Variants in FGFR3 observed in about 807,000 individuals in gnomAD.
FGFR3 encodes FGFR-3.
Under a neutral mutation model 82.9 loss-of-function variants are expected in FGFR3, and 25 were observed. That is an observed-to-expected ratio of 0.30 (90% CI 0.22 to 0.42). The LOEUF is 0.42. Ranked by LOEUF, FGFR3 falls within the 10% of genes least tolerant of loss-of-function variation. The pLI is 1.00. For synonymous variants in FGFR3, 620 were observed against 516.0 expected, an observed-to-expected ratio of 1.20 and a Z score of -2.73; for missense variants, 1,026 against 1,161.0, an observed-to-expected ratio of 0.88 and a Z score of 1.69.
chr4:1,795,567 G>A (rs374652114), intron 2 of FGFR3, among the ~76,000 whole-genome samples: 1 of 152,354 alleles, frequency 6.6e-6, no homozygotes, highest in South Asian at 2.1e-4. Context: ...ATGGACTGAG[G>A]TCTAGGCTGG....
rs1577290558 is a variant in FGFR3 at position 1,805,850 on chromosome 4, C to T, written c.1746C>T (p.Cys582=). Residue 582 remains cysteine (C), a synonymous_variant, in exon 13 of 18, where the codon TGC becomes TGT. Coordinates refer to ENST00000440486, the MANE Select transcript of FGFR3 (RefSeq NM_000142.5). ...GCCTGGACTACTCCTTCGACACCTGCAAGCCGCCCGAGGAGCAGCTCACCT... is the reference window on the plus strand; with the variant it reads ...GCCTGGACTACTCCTTCGACACCTGTAAGCCGCCCGAGGAGCAGCTCACCT... ...PPGLDYSFDT[C]KPPEEQLTFK... is the part of the protein sequence containing the mutation. 14 of 1,612,644 alleles carry T rather than the reference C, an allele frequency of 8.7e-6. No individual in the cohort carries two copies. The highest frequency in any genetic ancestry group is 1.2e-5 in the Non-Finnish European group (14 of 1,179,858).
rs1010991084 is a variant in FGFR3, at chr4:1,801,506, C to G, written c.585C>G (p.Phe195Leu). The stretch of plus-strand genomic sequence containing the variant: ...CCTGGCTGAAGAACGGCAGGGAGTT[C>G]CGCGGCGAGCACCGCATTGGAGGCA... ...SISWLKNGRE[F>L]RGEHRIGGIK... The change falls in exon 5 of 18, where the codon TTC (phenylalanine) becomes TTG (leucine). Residue 195 changes from phenylalanine (F) to leucine (L), a missense_variant. By Grantham distance (22) the Phe-to-Leu change is conservative. Transcript: ENST00000440486. The G allele has an allele frequency of 5.7e-5, 89 of 1,562,034 alleles. No homozygotes were observed. Among genetic ancestry groups the G allele is most frequent in the Non-Finnish European group, 7.1e-5 (82 of 1,153,928 alleles).
At position 1,798,344 on chromosome 4, in the gene FGFR3, A is replaced by G. The variant is rs17883202; in HGVS notation, c.110-910A>G. On this transcript the variant is annotated intron_variant, in intron 2 of 17. Coordinates refer to ENST00000440486, the MANE Select transcript of FGFR3 (RefSeq NM_000142.5). ...GGGCCCCAGTCCCCCTGCAGGCAGC[A>G]GGACTCCACCCCCCGGCCCCCTTGA... Among the ~76,000 whole-genome samples, 651 of 152,014 alleles carry G rather than the reference A, an allele frequency of 4.3e-3. 6 individuals carry two copies. The highest frequency in any genetic ancestry group is 0.015 in the African/African-American group (630 of 41,466).
Position 1,802,000 on chromosome 4 carries a change from G to A in FGFR3, c.905G>A (p.Gly302Asp), listed in dbSNP as rs371176140. 5 of 1,612,342 alleles carry A rather than the reference G, an allele frequency of 3.1e-6. No homozygotes were observed. In the African/African-American group the frequency reaches 5.3e-5, roughly 17 times the overall value. Residue 302 changes from glycine (G) to aspartate (D), a missense_variant, in exon 7 of 18, where the codon GGC (glycine) becomes GAC (aspartate). Transcript: ENST00000440486. ...AATGGCAGCAAGGTGGGCCCGGACG[G>A]CACACCCTACGTTACCGTGCTCAAG... ...EVNGSKVGPDGTPYVTVLKTA... is the reference protein window; with the variant it reads ...EVNGSKVGPDDTPYVTVLKTA...
At chr4:1,806,807 C>A (rs1246364645) in intron 16 of FGFR3, 22 bp from the exon 17 acceptor site, 1 of 1,587,772 alleles carries the variant, frequency 6.3e-7, no homozygotes, top group Non-Finnish European at 8.6e-7. Context: ...GCGGGGCTCA[C>A]TCCTGAGCGC....
rs935240614 is a variant in FGFR3 at position 1,793,326 on chromosome 4, G to T, written c.-242G>T. Reference sequence around the variant, plus strand: ...GTGGCGGCGGCGTCGCGGGCAGCTGGCGCCGCGCGGTCCTGCTCTGCCGGT... The same window carrying T: ...GTGGCGGCGGCGTCGCGGGCAGCTGTCGCCGCGCGGTCCTGCTCTGCCGGT... On this transcript the variant is annotated 5_prime_UTR_variant, in exon 1 of 18. Transcript: ENST00000440486. The T allele has an allele frequency of 3.4e-5, 5 of 147,328 alleles. No homozygotes were observed. Among genetic ancestry groups the T allele is most frequent in the African/African-American group, 1.2e-4 (5 of 40,766 alleles). The allele number at this position is 147,328 out of a possible 1,614,324, so 9.1% of individuals were successfully genotyped here.
rs373391057 is a variant in FGFR3, at chr4:1,805,874, C to T, written c.1770C>T (p.Thr590=). The part of the protein sequence containing the change: ...DTCKPPEEQL[T]FKDLVSCAYQ... ...GCAAGCCGCCCGAGGAGCAGCTCAC[C>T]TTCAAGGACCTGGTGTCCTGTGCCT... is the stretch of plus-strand genomic sequence containing the variant. The change falls in exon 13 of 18, where the codon ACC becomes ACT. Residue 590 remains threonine, a synonymous_variant. Transcript: ENST00000440486. 1.9e-6 allele frequency: 3 copies of T among 1,612,840 alleles called. No homozygotes were observed. The highest frequency in any genetic ancestry group is 2.5e-6 in the Non-Finnish European group (3 of 1,179,860).
Position 1,808,284 on chromosome 4 carries a change from C to T in FGFR3, c.*1022C>T, listed in dbSNP as rs568504092. 66 of 232,754 alleles carry T rather than the reference C, an allele frequency of 2.8e-4. No homozygotes were observed. The highest frequency in any genetic ancestry group is 1.3e-3 in the African/African-American group (57 of 45,356). The allele number at this position is 232,754 out of a possible 1,614,324, so 14.4% of individuals were successfully genotyped here. A position where few individuals can be genotyped will look rare whatever the true frequency, so the allele number is the denominator to read the frequency against. On this transcript the variant is annotated 3_prime_UTR_variant, in exon 18 of 18. Transcript: ENST00000440486. The stretch of plus-strand genomic sequence containing the variant: ...CAGCCTGCCCCGGAGCTGGAGGATC[C>T]CCTCCAAGCCTAAAAGGTTGTTAAT...
intron 3 of FGFR3, 63 bp downstream of exon 3, chr4:1,799,586 C>T (rs943669579): frequency 2.4e-5 from 37 of 1,548,322 alleles, no homozygotes; most frequent in Non-Finnish European, 2.9e-5. Context: ...TGAGTCCCTG[C>T]GTGGGTCAGG....
chr4:1,795,488 C>A (rs1409869294), intron 2 of FGFR3, among the ~76,000 whole-genome samples: 2 of 148,492 alleles, frequency 1.3e-5, no homozygotes, highest in Non-Finnish European at 3.0e-5. Flanking sequence ...GTGAGTTGAT[C>A]GGTCAATAAA....
intron 2 of FGFR3, among the ~76,000 whole-genome samples, chr4:1,798,292 C>T (rs988313447): frequency 6.6e-6 from 1 of 151,948 alleles, no homozygotes; most frequent in African/African-American, 2.4e-5. Flanking sequence ...CAGCTTCCTG[C>T]CCCCAGCCTG....
intron 2 of FGFR3, among the ~76,000 whole-genome samples, chr4:1,795,233 C>G (rs1720345051): frequency 6.6e-6 from 1 of 152,032 alleles, no homozygotes; most frequent in Non-Finnish European, 1.5e-5. Context: ...GGCCCCGCTT[C>G]CAGGGGTGCC....
intron 4 of FGFR3, 111 bp from the exon 5 acceptor site, chr4:1,801,256 G>C (rs1721133636): frequency 1.6e-6 from 2 of 1,237,376 alleles, no homozygotes; most frequent in Non-Finnish European, 2.3e-6. Context: ...TCCTACACAG[G>C]ACGGGAAACT....
chr4:1,805,082 T>A (rs1331075934), intron 10 of FGFR3, 113 bp downstream of exon 10: 9 of 1,417,846 alleles, frequency 6.3e-6, no homozygotes, highest in Non-Finnish European at 8.4e-6. Flanking sequence ...GTGGCGGATG[T>A]TGGGTGTGGC....
intron 3 of FGFR3, 56 bp downstream of exon 3, chr4:1,799,579 G>A: frequency 1.9e-6 from 3 of 1,549,294 alleles, no homozygotes; most frequent in Non-Finnish European, 2.6e-6. Context: ...GGCTCCCTGA[G>A]TCCCTGCGTG....
rs146970233 is a variant in FGFR3, at chr4:1,804,360, C to G, written c.1106C>G (p.Ala369Gly). 1.2e-6 allele frequency: 2 copies of G among 1,611,522 alleles called. No homozygotes were observed. Among genetic ancestry groups the G allele is most frequent in the Non-Finnish European group, 1.7e-6 (2 of 1,179,058 alleles). Residue 369 changes from alanine (A) to glycine (G), a missense_variant, in exon 9 of 18, where the codon GCG becomes GGG. Transcript: ENST00000440486. Reference protein sequence around the residue: ...AEEELVEADEAGSVYAGILSY... With the variant: ...AEEELVEADEGGSVYAGILSY... ...GAGGAGCTGGTGGAGGCTGACGAGG[C>G]GGGCAGTGTGTATGCAGGCATCCTC...
At chr4:1,805,977 G>A (rs1365895285) in intron 13 of FGFR3, 37 bp downstream of exon 13, 4 of 1,610,190 alleles carry the variant, frequency 2.5e-6, no homozygotes, top group Admixed American at 3.3e-5. Flanking sequence ...AGTAGGCTGG[G>A]CCCTGCCCTG....
intron 2 of FGFR3, 53 bp from the exon 3 acceptor site, chr4:1,799,201 A>G: frequency 1.2e-6 from 2 of 1,610,616 alleles, no homozygotes; most frequent in Non-Finnish European, 1.7e-6. Context: ...TGTGTCTGTA[A>G]ACGGTGCCGG....
In FGFR3 at chr4:1,807,467, G is replaced by A; in HGVS notation, c.*205G>A. The A allele has an allele frequency of 1.3e-6, 1 of 791,720 alleles. No individual in the cohort carries two copies. The highest frequency in any genetic ancestry group is 2.1e-6 in the Non-Finnish European group (1 of 469,656). The allele number at this position is 791,720 out of a possible 1,614,324, so 49.0% of individuals were successfully genotyped here. On this transcript the variant is annotated 3_prime_UTR_variant, in exon 18 of 18. Transcript: ENST00000440486. Reference sequence around the variant, plus strand: ...CGTGCGCATCTTGCCTCCAGGTGCAGAGGTACCCTGGGTGTCCCCGCTGCT... The same window carrying A: ...CGTGCGCATCTTGCCTCCAGGTGCAAAGGTACCCTGGGTGTCCCCGCTGCT...
Sources: allele counts gnomAD v4.1 joint callset (sites outside exome capture counted in the v4.1 genomes callset), GRCh38; gene constraint gnomAD v4.1.1; transcripts MANE v1.5; gene names NCBI Gene and HGNC (gene_info 2026-07-23, HGNC 2026-07-21).